LRRK1: variants seen among roughly 807,000 people sequenced by gnomAD.
LRRK1 encodes the protein leucine rich repeat kinase 1, also known as leucine-rich repeat serine/threonine-protein kinase 1.
Under a neutral mutation model 209.1 loss-of-function variants are expected in LRRK1, and 113 were observed. The observed-to-expected ratio is 0.54, with a 90% CI of 0.46 to 0.63. LRRK1 has a LOEUF of 0.63. Ranked by LOEUF, LRRK1 falls within the 30% of genes least tolerant of loss-of-function variation. LRRK1 has a pLI of 0.00. For missense variants in LRRK1, 2,284 were observed against 2,632.2 expected (o/e 0.87, Z 2.89); for synonymous variants, 1,144 against 1,099.7 (o/e 1.04, Z -0.80).
intron 2 of LRRK1, among the ~76,000 whole-genome samples, chr15:100,953,166 A>C (rs2141624737): frequency 6.6e-6 from 1 of 152,264 alleles, no homozygotes; most frequent in African/African-American, 2.4e-5. Context: ...TCTTTTAGTA[A>C]ATTTCAAGTA....
chr15:101,008,789 C>T (rs2033101068), intron 6 of LRRK1, 48 bp from the exon 7 acceptor site: 1 of 1,396,220 alleles, frequency 7.2e-7, no homozygotes, highest in Non-Finnish European at 1.0e-6. Context: ...CCCATGTGGG[C>T]CCTGAACTCA....
chr15:100,977,326 A>G (rs1217298064), intron 3 of LRRK1, among the ~76,000 whole-genome samples: 1 of 152,178 alleles, frequency 6.6e-6, no homozygotes, highest in Non-Finnish European at 1.5e-5. Context: ...CTTGCAGCCC[A>G]GCCCCACCCC....
At chr15:100,990,341 T>G (rs950434560) in intron 6 of LRRK1, among the ~76,000 whole-genome samples, 9 of 151,332 alleles carry the variant, frequency 5.9e-5, no homozygotes, top group Admixed American at 1.3e-4. Context: ...AAATAGTTCT[T>G]TTTTTTTTCC....
At position 101,066,653 on chromosome 15, in the gene LRRK1, G is replaced by A; in HGVS notation, c.5782G>A (p.Val1928Ile). 1 of 1,614,220 alleles carries A rather than the reference G, an allele frequency of 6.2e-7. No homozygotes were observed. Among genetic ancestry groups the A allele is most frequent in the Non-Finnish European group, 8.5e-7 (1 of 1,180,020 alleles). The change falls in exon 33 of 34, where the codon GTT becomes ATT. Residue 1928 changes from valine (V) to isoleucine (I), a missense_variant. Physicochemically the swap from Val to Ile is conservative, Grantham distance 29. Transcript: ENST00000388948. ...TTGGTTGCTTAGGCGCGGTGGAGAT[G>A]TTATCGTCATTGGCCTGGAGAAGGA... ...LIWVPRRGGDVIVIGLEKDSG... is the reference protein window; with the variant it reads ...LIWVPRRGGDIIVIGLEKDSG...
chr15:100,967,419 C>T lies in LRRK1; in HGVS notation c.98-6385C>T, dbSNP rs147209332. On this transcript the variant is annotated intron_variant, in intron 2 of 33. Transcript: ENST00000388948. ...CATCCATTTACTTGGATTTTCAGGA[C>T]GATTGCCTTTGAAATGGAGCAAGTC... Among the ~76,000 whole-genome samples, 7 of 152,260 alleles carry T rather than the reference C, an allele frequency of 4.6e-5. No homozygotes were observed. The East Asian group carries it at 7.7e-4, about 17-fold the overall frequency.
chr15:100,974,050 G>T (rs1170826517), intron 3 of LRRK1, 83 bp downstream of exon 3: 6 of 1,126,902 alleles, frequency 5.3e-6, no homozygotes, highest in African/African-American at 1.6e-5. Flanking sequence ...TCTCGTTATT[G>T]TCATAACGGT....
intron 3 of LRRK1, among the ~76,000 whole-genome samples, chr15:100,980,003 G>C (rs1332085907): frequency 6.6e-6 from 1 of 152,096 alleles, no homozygotes; most frequent in Non-Finnish European, 1.5e-5. Flanking sequence ...GTACAATCAC[G>C]CTGGAAACTA....
chr15:101,019,554 C>A (rs142406291), intron 12 of LRRK1, among the ~76,000 whole-genome samples: 2 of 152,176 alleles, frequency 1.3e-5, no homozygotes, highest in Non-Finnish European at 2.9e-5. Flanking sequence ...ATTATCGGCT[C>A]TCCCTGAATG....
intron 9 of LRRK1, among the ~76,000 whole-genome samples, chr15:101,011,509 G>T (rs6598412): frequency 6.7e-6 from 1 of 149,312 alleles, no homozygotes; most frequent in African/African-American, 2.5e-5. Flanking sequence ...ATCTGCACTC[G>T]TAGCACTGCT....
At chr15:101,055,786 C>T (rs891477325) in intron 27 of LRRK1, among the ~76,000 whole-genome samples, 15 of 152,350 alleles carry the variant, frequency 9.8e-5, no homozygotes, top group Middle Eastern at 3.4e-3. Flanking sequence ...CTGATGGCTA[C>T]TTGGTAGATG....
rs137988878 is a variant in LRRK1, at chr15:100,972,103, C to T, written c.98-1701C>T. 8.7e-4 allele frequency among the ~76,000 whole-genome samples: 133 copies of T among 152,026 alleles called. 1 individual carries two copies. Among genetic ancestry groups the T allele is most frequent in the Admixed American group, 6.6e-3 (100 of 15,262 alleles). Reference sequence around the variant, plus strand: ...TCAGCCACCTGAGTAGCTGGGATTACAGGCGCGTGCCACCACACCCGGCTA... The same window carrying T: ...TCAGCCACCTGAGTAGCTGGGATTATAGGCGCGTGCCACCACACCCGGCTA... On this transcript the variant is annotated intron_variant, in intron 2 of 33. Transcript: ENST00000388948.
intron 2 of LRRK1, among the ~76,000 whole-genome samples, chr15:100,951,703 G>C (rs1015908225): frequency 4.6e-5 from 7 of 152,118 alleles, no homozygotes; most frequent in Non-Finnish European, 1.0e-4. Flanking sequence ...TGTAATCCCA[G>C]CACTTTGGGA....
chr15:100,950,946 A>G (rs2042636190), intron 2 of LRRK1, among the ~76,000 whole-genome samples: 1 of 152,210 alleles, frequency 6.6e-6, no homozygotes, highest in Non-Finnish European at 1.5e-5. Context: ...TACTAAAAAT[A>G]CAAAAAATTA....
Position 100,989,288 on chromosome 15 carries a change from G to T in LRRK1, c.652G>T (p.Ala218Ser). 6.2e-7 allele frequency: 1 copy of T among 1,614,148 alleles called. No homozygotes were observed. The highest frequency in any genetic ancestry group is 8.5e-7 in the Non-Finnish European group (1 of 1,179,980). The stretch of plus-strand genomic sequence containing the variant: ...TGCAATATTCCTGCTTCGGCATGGG[G>T]CCTATTTCTGTTCCTACATCTTGCT... ...DIAIFLLRHG[A>S]YFCSYILLDS... Residue 218 changes from alanine to serine, a missense_variant, in exon 6 of 34, where the codon GCC becomes TCC. Ala to Ser is a moderately conservative substitution (Grantham distance 99). Around this residue, in one of 6 missense-constraint regions of LRRK1, gnomAD observed 134 missense variants for 191.7 expected, o/e 0.70. Coordinates refer to ENST00000388948, the MANE Select transcript of LRRK1 (RefSeq NM_024652.6).
intron 2 of LRRK1, among the ~76,000 whole-genome samples, chr15:100,928,718 GCCTTTTCACAC>G (rs2042157225): frequency 6.6e-6 from 1 of 152,122 alleles, no homozygotes. Flanking sequence ...TACTAGGCAC[GCCTTTTCACAC>G]CCCCTACCTG....
At chr15:101,025,020 TC>T (rs1419960918) in intron 16 of LRRK1, 53 bp downstream of exon 16, 1 of 1,544,362 alleles carries the variant, frequency 6.5e-7, no homozygotes, top group Non-Finnish European at 8.8e-7. Flanking sequence ...GCTTTGCAGG[TC>T]CCACCGCTTC....
At position 101,071,250 on chromosome 15, in the gene LRRK1, G is replaced by C. The variant is rs1260563285; in HGVS notation, c.*2402G>C. 6.6e-6 allele frequency: 1 copy of C among 152,326 alleles called. No individual in the cohort carries two copies. The highest frequency in any genetic ancestry group is 1.5e-5 in the Non-Finnish European group (1 of 68,124). 9.4% of individuals were successfully genotyped at this position (152,326 alleles called of 1,614,324 possible). ...CCTGTCAACATCAGCTGGACCACAG[G>C]CATCTCAGATAGATGTCACTTACCA... is the stretch of plus-strand genomic sequence containing the variant. On this transcript the variant is annotated 3_prime_UTR_variant, in exon 34 of 34. Transcript: ENST00000388948.
chr15:100,967,740 C>T (rs936010559), intron 2 of LRRK1, among the ~76,000 whole-genome samples: 9 of 152,142 alleles, frequency 5.9e-5, no homozygotes, highest in Non-Finnish European at 1.5e-5. Context: ...CAGATCACAC[C>T]ATTAACACTT....
rs753606461 is a variant in LRRK1 at position 100,983,639 on chromosome 15, G to T, written c.373G>T (p.Val125Leu). The part of the protein sequence containing the change: ...PTEPTDDNPA[V>L]VAAYFGHTAV... ...CGAGCCCACGGATGACAACCCAGCC[G>T]TGGTGGCAGCGTATTTTGGACACAC... is the stretch of plus-strand genomic sequence containing the variant. Residue 125 changes from valine (V) to leucine (L), a missense_variant, in exon 4 of 34, where the codon GTG (valine) becomes TTG (leucine). Physicochemically the swap from Val to Leu is conservative, Grantham distance 32. Coordinates refer to ENST00000388948, the MANE Select transcript of LRRK1 (RefSeq NM_024652.6). 1.9e-6 allele frequency: 3 copies of T among 1,608,966 alleles called. No homozygotes were observed. The highest frequency in any genetic ancestry group is 2.6e-6 in the Non-Finnish European group (3 of 1,176,350).
Sources: allele counts gnomAD v4.1 joint callset (sites outside exome capture counted in the v4.1 genomes callset), GRCh38; gene constraint gnomAD v4.1.1; regional missense constraint gnomAD v4.1.1; transcripts MANE v1.5; gene names NCBI Gene and HGNC (gene_info 2026-07-23, HGNC 2026-07-21).